SIPA1L1: variants seen among roughly 807,000 people sequenced by gnomAD.
SIPA1L1 encodes the protein signal induced proliferation associated 1 like 1.
SIPA1L1 carries 26 observed loss-of-function variants against 162.7 expected under a neutral mutation model. The ratio of observed to expected loss-of-function variants is 0.16; its 90% CI spans 0.12 to 0.22. The LOEUF is 0.22. Ranked by LOEUF, SIPA1L1 falls within the 10% of genes least tolerant of loss-of-function variation. The pLI is 1.00. For synonymous variants in SIPA1L1, 829 were observed against 837.4 expected, an observed-to-expected ratio of 0.99 and a Z score of 0.17; for missense variants, 1,874 against 2,241.0, an observed-to-expected ratio of 0.84 and a Z score of 3.31.
chr14:71,641,550 A>G (rs1267354581), intron 7 of SIPA1L1, among the ~76,000 whole-genome samples: 1 of 152,090 alleles, frequency 6.6e-6, no homozygotes, highest in Non-Finnish European at 1.5e-5. Context: ...GTGAAGCCCC[A>G]TCTCTACTAA....
intron 2 of SIPA1L1, among the ~76,000 whole-genome samples, chr14:71,328,660 G>C (rs2034123973): frequency 6.6e-6 from 1 of 152,116 alleles, no homozygotes; most frequent in South Asian, 2.1e-4. Flanking sequence ...AAGATAACTT[G>C]GAATAACTCC....
At chr14:71,569,094 A>G (rs549336272) in intron 4 of SIPA1L1, among the ~76,000 whole-genome samples, 1 of 152,118 alleles carries the variant, frequency 6.6e-6, no homozygotes, top group South Asian at 2.1e-4. Context: ...ATGTGTAGTT[A>G]TTTACTTTCC....
At chr14:71,600,050 C>T (rs1328059798) in intron 5 of SIPA1L1, among the ~76,000 whole-genome samples, 1 of 152,112 alleles carries the variant, frequency 6.6e-6, no homozygotes, top group Non-Finnish European at 1.5e-5. Flanking sequence ...TATTTTACCC[C>T]ATTAAACTCA....
At chr14:71,478,670 G>A (rs2048076828) in intron 2 of SIPA1L1, among the ~76,000 whole-genome samples, 1 of 152,148 alleles carries the variant, frequency 6.6e-6, no homozygotes, top group African/African-American at 2.4e-5. Context: ...ATTTGTGTAA[G>A]TCGATTTCTC....
At chr14:71,586,566 C>T (rs1230097529) in intron 4 of SIPA1L1, 1 of 152,156 alleles carries the variant, frequency 6.6e-6, no homozygotes, top group Non-Finnish European at 1.5e-5. Context: ...GAAAAGGAGC[C>T]TCTGCCTTTC....
chr14:71,595,438 A>C (rs2035919420), intron 5 of SIPA1L1, among the ~76,000 whole-genome samples: 1 of 152,156 alleles, frequency 6.6e-6, no homozygotes, highest in Non-Finnish European at 1.5e-5. Flanking sequence ...GTTTTACTTC[A>C]ACTCCCAGAA....
chr14:71,544,131 A>ATGTATATACATATATGCACGTGTG (rs1567180612), intron 4 of SIPA1L1, among the ~76,000 whole-genome samples: 2 of 141,172 alleles, frequency 1.4e-5, no homozygotes, highest in Non-Finnish European at 3.2e-5. Flanking sequence ...ATGCACGTGT[A>ATGTATATACATATATGCACGTGTG]TGTATATACA....
intron 2 of SIPA1L1, among the ~76,000 whole-genome samples, chr14:71,423,013 C>T (rs2043300576): frequency 6.6e-6 from 1 of 152,138 alleles, no homozygotes; most frequent in Admixed American, 6.5e-5. Context: ...TTGATAGTTG[C>T]CATTGTAATG....
At chr14:71,487,974 AC>A (rs2048908165) in intron 2 of SIPA1L1, among the ~76,000 whole-genome samples, 1 of 152,016 alleles carries the variant, frequency 6.6e-6, no homozygotes, top group South Asian at 2.1e-4. Flanking sequence ...ATACACATAC[AC>A]CCCATCCTCA....
At chr14:71,544,183 GTATA>G (rs772289589) in intron 4 of SIPA1L1, among the ~76,000 whole-genome samples, 99 of 150,430 alleles carry the variant, frequency 6.6e-4, no homozygotes, top group Non-Finnish European at 1.2e-3. Context: ...GCACGTGTGT[GTATA>G]TATACATATG....
At position 71,708,253 on chromosome 14, in the gene SIPA1L1, C is replaced by T. The variant is rs558504199; in HGVS notation, c.3766-969C>T. ...AAGAGCTTTATAGTTTTAGCTTTTA[C>T]ATTTAGATCTTTGATCATTTGTGAG... On this transcript the variant is annotated intron_variant, in intron 16 of 23. Transcript: ENST00000381232. 4.6e-5 allele frequency among the ~76,000 whole-genome samples: 7 copies of T among 151,056 alleles called. No homozygotes were observed. In the South Asian group the frequency reaches 1.5e-3, roughly 32 times the overall value.
chr14:71,385,778 C>T (rs1462128329), intron 2 of SIPA1L1, among the ~76,000 whole-genome samples: 1 of 150,630 alleles, frequency 6.6e-6, no homozygotes, highest in East Asian at 2.0e-4. Flanking sequence ...ACTTCTGACT[C>T]CCTGGTTCAA....
At chr14:71,399,705 C>T (rs549152675) in intron 2 of SIPA1L1, among the ~76,000 whole-genome samples, 1 of 151,458 alleles carries the variant, frequency 6.6e-6, no homozygotes, top group East Asian at 2.0e-4. Context: ...TAAACCACCA[C>T]ACCTTTTATT....
intron 2 of SIPA1L1, among the ~76,000 whole-genome samples, chr14:71,469,735 A>T (rs752863560): frequency 6.6e-6 from 1 of 152,200 alleles, no homozygotes; most frequent in Non-Finnish European, 1.5e-5. Flanking sequence ...TGTATACCTC[A>T]TAGGGCAGTG....
chr14:71,416,720 T>TACAC (rs3085177), intron 2 of SIPA1L1, among the ~76,000 whole-genome samples: 52,415 of 147,512 alleles, frequency 0.36, 9,662 homozygotes, highest in Non-Finnish European at 0.41. Context: ...AAGAAAAATC[T>TACAC]ACACACACAC....
At chr14:71,348,076 A>G (rs1012446854) in intron 2 of SIPA1L1, among the ~76,000 whole-genome samples, 1 of 152,222 alleles carries the variant, frequency 6.6e-6, no homozygotes, top group Admixed American at 6.5e-5. Flanking sequence ...TTGCAGGAAA[A>G]AAATTTGAAA....
At chr14:71,514,964 T>G (rs1487943049) in intron 3 of SIPA1L1, among the ~76,000 whole-genome samples, 1 of 152,220 alleles carries the variant, frequency 6.6e-6, no homozygotes, top group African/African-American at 2.4e-5. Flanking sequence ...ATTTCTGTTC[T>G]TAGTGACAGG....
At chr14:71,335,693 T>A (rs2035023047) in intron 2 of SIPA1L1, among the ~76,000 whole-genome samples, 1 of 152,344 alleles carries the variant, frequency 6.6e-6, no homozygotes, top group East Asian at 1.9e-4. Context: ...TTATATGTTT[T>A]GAGCAAAAGG....
intron 20 of SIPA1L1, 96 bp from the exon 21 acceptor site, chr14:71,733,570 T>C: frequency 8.0e-7 from 1 of 1,252,490 alleles, no homozygotes; most frequent in Non-Finnish European, 1.1e-6. Flanking sequence ...CAGTCACAAA[T>C]GGCTTACAAT....
Sources: allele counts gnomAD v4.1 joint callset (sites outside exome capture counted in the v4.1 genomes callset), GRCh38; gene constraint gnomAD v4.1.1; transcripts MANE v1.5; gene names NCBI Gene and HGNC (gene_info 2026-07-23, HGNC 2026-07-21).